Variants in CUX2 observed in about 807,000 individuals in gnomAD.
CUX2 encodes the protein cut like homeobox 2, also known as homeobox protein cut-like 2.
Under a neutral mutation model 144.8 loss-of-function variants are expected in CUX2, and 40 were observed. That is an observed-to-expected ratio of 0.28 (90% CI 0.21 to 0.36). The LOEUF is 0.36. CUX2 is among the 10% of genes least tolerant of loss of function. CUX2 has a pLI of 1.00. For synonymous variants in CUX2, 827 were observed against 875.6 expected, an observed-to-expected ratio of 0.94 and a Z score of 0.98; for missense variants, 1,615 against 1,994.0, an observed-to-expected ratio of 0.81 and a Z score of 3.62.
At position 111,312,262 on chromosome 12, in the gene CUX2, G is replaced by T; in HGVS notation, c.2002+61G>T. On this transcript the variant is annotated intron_variant, in intron 16 of 21. Transcript: ENST00000261726. The surrounding 1 kb of genome is among the most constrained non-coding windows in gnomAD (Gnocchi z 4.3). ...CCGGGGCCAGCTGCGAACAGGAGAT[G>T]AGGCTTCGTCTACCTTTGTCCACCC... is the stretch of plus-strand genomic sequence containing the variant. The T allele has an allele frequency of 7.0e-7, 1 of 1,437,848 alleles. No homozygotes were observed. Among genetic ancestry groups the T allele is most frequent in the Non-Finnish European group, 9.5e-7 (1 of 1,048,368 alleles). 89.1% of individuals were successfully genotyped at this position (1,437,848 alleles called of 1,614,324 possible).
chr12:111,286,117 G>A (rs1488423266), intron 4 of CUX2, among the ~76,000 whole-genome samples: 1 of 152,202 alleles, frequency 6.6e-6, no homozygotes, highest in African/African-American at 2.4e-5. Flanking sequence ...GCATACAGGT[G>A]AAGCCATACC....
chr12:111,112,242 G>T (rs930910532), intron 1 of CUX2, among the ~76,000 whole-genome samples: 6 of 152,148 alleles, frequency 3.9e-5, no homozygotes, highest in Admixed American at 2.0e-4. Context: ...GGGTGGGTGG[G>T]TTTTATGCTC....
intron 1 of CUX2, among the ~76,000 whole-genome samples, chr12:111,092,323 G>C (rs975112642): frequency 6.6e-6 from 1 of 152,034 alleles, no homozygotes; most frequent in African/African-American, 2.4e-5. Flanking sequence ...CTGCAAACAG[G>C]GGGCTGTGTG....
At chr12:111,123,543 A>ATT (rs111665969) in intron 1 of CUX2, among the ~76,000 whole-genome samples, 16 of 144,524 alleles carry the variant, frequency 1.1e-4, no homozygotes, top group African/African-American at 3.8e-4. Context: ...AGCTCACTTA[A>ATT]TTTTTTTTTT....
chr12:111,074,618 GC>G (rs1871422024), intron 1 of CUX2, among the ~76,000 whole-genome samples: 1 of 152,004 alleles, frequency 6.6e-6, no homozygotes, highest in Admixed American at 6.5e-5. Flanking sequence ...CCCAGAGCCT[GC>G]CCTGACTTCA....
At chr12:111,321,088 T>C (rs2136401729) in intron 17 of CUX2, among the ~76,000 whole-genome samples, 1 of 152,168 alleles carries the variant, frequency 6.6e-6, no homozygotes, top group Admixed American at 6.5e-5. Flanking sequence ...TCCCAGCACT[T>C]TGGGAGACGG....
rs570967429 is a variant in CUX2 at position 111,289,017 on chromosome 12, G to A, written c.302-2401G>A. Among the ~76,000 whole-genome samples the A allele has an allele frequency of 9.5e-4, 144 of 152,248 alleles. No homozygotes were observed. Among genetic ancestry groups the A allele is most frequent in the African/African-American group, 3.3e-3 (137 of 41,558 alleles). On this transcript the variant is annotated intron_variant, in intron 4 of 21. Transcript: ENST00000261726. The surrounding 1 kb of genome is among the most constrained non-coding windows in gnomAD (Gnocchi z 4.1). Reference sequence around the variant, plus strand: ...ACACACCTGGAATCCCAGCTACTCGGGAGGCTGAGTCAGGAACATAGCTTG... The same window carrying A: ...ACACACCTGGAATCCCAGCTACTCGAGAGGCTGAGTCAGGAACATAGCTTG...
chr12:111,201,734 G>A (rs1252323895), intron 1 of CUX2, among the ~76,000 whole-genome samples: 2 of 152,184 alleles, frequency 1.3e-5, no homozygotes, highest in Non-Finnish European at 2.9e-5. Context: ...AGAGCTTCCT[G>A]AGGTTCCCAC....
intron 1 of CUX2, among the ~76,000 whole-genome samples, chr12:111,065,912 G>A (rs1378109291): frequency 6.6e-6 from 1 of 152,214 alleles, no homozygotes; most frequent in Non-Finnish European, 1.5e-5. Flanking sequence ...CCATACTCAA[G>A]TCTGAGAATT....
At chr12:111,267,321 T>C (rs945336201) in intron 4 of CUX2, among the ~76,000 whole-genome samples, 1 of 152,140 alleles carries the variant, frequency 6.6e-6, no homozygotes, top group Non-Finnish European at 1.5e-5. Flanking sequence ...CCTGTGATCT[T>C]GGAGCATGGG....
At chr12:111,055,113 G>A (rs1487963424) in intron 1 of CUX2, among the ~76,000 whole-genome samples, 1 of 152,212 alleles carries the variant, frequency 6.6e-6, no homozygotes, top group Non-Finnish European at 1.5e-5. Flanking sequence ...TTGGGACAGG[G>A]CTACTACATG....
rs969753391 is a variant in CUX2 at position 111,264,457 on chromosome 12, G to T, written c.301+618G>T. On this transcript the variant is annotated intron_variant, in intron 4 of 21. Transcript: ENST00000261726. Reference sequence around the variant, plus strand: ...TTTCCATGAAAAGGCATGGAGGGCCGGGTACAGGGGATCACGCCTGTAATC... The same window carrying T: ...TTTCCATGAAAAGGCATGGAGGGCCTGGTACAGGGGATCACGCCTGTAATC... Among the ~76,000 whole-genome samples, 4 of 152,336 alleles carry T rather than the reference G, an allele frequency of 2.6e-5. No homozygotes were observed. In the East Asian group the frequency reaches 7.7e-4, roughly 29 times the overall value.
chr12:111,310,449 C>T lies in CUX2; in HGVS notation c.1667C>T (p.Ala556Val). 6.2e-7 allele frequency: 1 copy of T among 1,613,312 alleles called. No homozygotes were observed. The highest frequency in any genetic ancestry group is 1.1e-5 in the South Asian group (1 of 91,072). Reference sequence around the variant, plus strand: ...GCAGAGGAGGAGCAGCTGGACACGGCAGAGATCGCCTTCCAGGTGAAGGAG... The same window carrying T: ...GCAGAGGAGGAGCAGCTGGACACGGTAGAGATCGCCTTCCAGGTGAAGGAG... ...PGAEEEQLDT[A>V]EIAFQVKEQL... The change falls in exon 15 of 22, where the codon GCA (alanine) becomes GTA (valine). Residue 556 changes from alanine (A) to valine (V), a missense_variant. By Grantham distance (64) the Ala-to-Val change is moderately conservative. This residue lies in a region of CUX2 where 71 missense variants were observed against 142.3 expected (regional missense o/e 0.50). Coordinates refer to ENST00000261726, the MANE Select transcript of CUX2 (RefSeq NM_015267.4). The surrounding 1 kb of genome is among the most constrained non-coding windows in gnomAD (Gnocchi z 7.9).
intron 1 of CUX2, among the ~76,000 whole-genome samples, chr12:111,179,092 G>C (rs1447348530): frequency 1.3e-5 from 2 of 152,160 alleles, no homozygotes; most frequent in East Asian, 3.9e-4. Context: ...AGACTGGACA[G>C]GGCAATAGTG....
At chr12:111,053,707 C>G (rs1371764854) in intron 1 of CUX2, among the ~76,000 whole-genome samples, 2 of 152,224 alleles carry the variant, frequency 1.3e-5, no homozygotes, top group African/African-American at 4.8e-5. Flanking sequence ...ACATCCCTGG[C>G]CTGGGCTGCT....
chr12:111,183,746 A>C (rs755035104), intron 1 of CUX2, among the ~76,000 whole-genome samples: 8 of 152,260 alleles, frequency 5.3e-5, no homozygotes, highest in African/African-American at 1.7e-4. Flanking sequence ...ATCAGTGCTC[A>C]CATAGTGCCT....
At chr12:111,194,005 A>C (rs934155682) in intron 1 of CUX2, among the ~76,000 whole-genome samples, 4 of 152,320 alleles carry the variant, frequency 2.6e-5, no homozygotes, top group Non-Finnish European at 5.9e-5. Context: ...GGGGTGACTC[A>C]GCTGGACAGC....
rs1884245846 is a variant in CUX2, at chr12:111,263,715, C to T, written c.223-46C>T. On this transcript the variant is annotated intron_variant, in intron 3 of 21. Coordinates refer to ENST00000261726, the MANE Select transcript of CUX2 (RefSeq NM_015267.4). The surrounding 1 kb of genome is among the most constrained non-coding windows in gnomAD (Gnocchi z 4.0). The stretch of plus-strand genomic sequence containing the variant: ...AAATGATGAAATTTGCTTGCAGACA[C>T]AGATGCCATGGTTACACGTGACTCT... The T allele has an allele frequency of 1.4e-6, 2 of 1,420,852 alleles. No homozygotes were observed. The highest frequency in any genetic ancestry group is 1.4e-5 in the African/African-American group (1 of 70,310). 88.0% of individuals were successfully genotyped at this position (1,420,852 alleles called of 1,614,324 possible).
intron 1 of CUX2, among the ~76,000 whole-genome samples, chr12:111,063,071 G>T (rs916389399): frequency 6.6e-6 from 1 of 152,160 alleles, no homozygotes; most frequent in Non-Finnish European, 1.5e-5. Flanking sequence ...TGGGCTGGGA[G>T]ACCTGGCCAG....
Sources: gnomAD v4.1 joint callset for allele counts (sites outside exome capture counted in the v4.1 genomes callset) on GRCh38, gnomAD v4.1.1 for gene constraint, gnomAD v4.1.1 regional missense constraint, Gnocchi (gnomAD v3.1) non-coding constraint, MANE v1.5 for transcripts, NCBI Gene and HGNC (gene_info 2026-07-23, HGNC 2026-07-21) for gene names.